The following PTH2R variants were observed in gnomAD, a reference collection of about 807,000 sequenced individuals.
PTH2R encodes PTH2 receptor.
Under a neutral mutation model 60.3 loss-of-function variants are expected in PTH2R, and 59 were observed. The observed-to-expected ratio is 0.98, with a 90% CI of 0.79 to 1.22. The LOEUF (loss-of-function observed/expected upper bound fraction) is 1.22. PTH2R is among the 50% of genes most tolerant of loss of function. PTH2R has a pLI of 0.00. For synonymous variants in PTH2R, 256 were observed against 243.8 expected, an observed-to-expected ratio of 1.05 and a Z score of -0.47; for missense variants, 749 against 682.6, an observed-to-expected ratio of 1.10 and a Z score of -1.08.
chr2:208,492,725 G>A (rs1043743514), intron 12 of PTH2R, among the ~76,000 whole-genome samples: 1 of 152,108 alleles, frequency 6.6e-6, no homozygotes, highest in Non-Finnish European at 1.5e-5. Context: ...CCTATCATCA[G>A]GTGTGTGCTG....
At chr2:208,469,336 CA>C (rs1419604809) in intron 9 of PTH2R, among the ~76,000 whole-genome samples, 3 of 152,124 alleles carry the variant, frequency 2.0e-5, no homozygotes, top group Non-Finnish European at 4.4e-5. Context: ...ATTTGAAATC[CA>C]AATTAGATCC....
chr2:208,402,633 A>G (rs1320625039), upstream of PTH2R, among the ~76,000 whole-genome samples: 1 of 152,230 alleles, frequency 6.6e-6, no homozygotes, highest in Non-Finnish European at 1.5e-5. Flanking sequence ...TATCTAGGTG[A>G]AATTTCTCTT....
intron 1 of PTH2R, among the ~76,000 whole-genome samples, chr2:208,426,145 A>T (rs984926545): frequency 6.6e-6 from 1 of 152,206 alleles, no homozygotes; most frequent in East Asian, 1.9e-4. Context: ...TTGACATTAA[A>T]ATTGGTATCT....
intron 1 of PTH2R, among the ~76,000 whole-genome samples, chr2:208,425,409 C>A (rs182356766): frequency 7.2e-5 from 11 of 152,278 alleles, no homozygotes; most frequent in Admixed American, 3.3e-4. Flanking sequence ...AAAGTTACCA[C>A]CCCTTTCCAC....
intron 8 of PTH2R, among the ~76,000 whole-genome samples, chr2:208,458,685 T>G (rs571789072): frequency 6.6e-6 from 1 of 152,290 alleles, no homozygotes; most frequent in African/African-American, 2.4e-5. Context: ...CACTTATAAG[T>G]GAGAACACGT....
intron 1 of PTH2R, among the ~76,000 whole-genome samples, chr2:208,372,955 A>C (rs1700729254): frequency 6.6e-6 from 1 of 152,078 alleles, no homozygotes; most frequent in South Asian, 2.1e-4. Context: ...GCGTGATGGC[A>C]CATGCCTGTA....
rs2061012 is a variant in PTH2R at position 208,487,874 on chromosome 2, G to A, written c.1077-1138G>A. Among the ~76,000 whole-genome samples the A allele has an allele frequency of 6.7e-3, 1,021 of 152,228 alleles. 15 individuals are homozygous for A. The highest frequency in any genetic ancestry group is 0.023 in the African/African-American group (942 of 41,532). ...TCACAACATGGTGGCTTGCTTCATCGAACCAAGCAAGAGAGCCAGTCTGCT... is the reference window on the plus strand; with the variant it reads ...TCACAACATGGTGGCTTGCTTCATCAAACCAAGCAAGAGAGCCAGTCTGCT... On this transcript the variant is annotated intron_variant, in intron 10 of 12. Coordinates refer to ENST00000272847, the MANE Select transcript of PTH2R (RefSeq NM_005048.4).
intron 12 of PTH2R, 113 bp from the exon 13 acceptor site, chr2:208,493,151 G>T: frequency 8.5e-7 from 1 of 1,171,864 alleles, no homozygotes; most frequent in African/African-American, 1.6e-5. Flanking sequence ...GCACGTAGAG[G>T]AACCTCAATC....
chr2:208,489,972 A>G (rs971778151), intron 11 of PTH2R, among the ~76,000 whole-genome samples: 1 of 152,166 alleles, frequency 6.6e-6, no homozygotes, highest in Non-Finnish European at 1.5e-5. Context: ...TCACTCAAAC[A>G]CACTTGAGTA....
At chr2:208,381,758 T>A (rs1700918883) in intron 1 of PTH2R, among the ~76,000 whole-genome samples, 2 of 152,086 alleles carry the variant, frequency 1.3e-5, no homozygotes, top group Non-Finnish European at 2.9e-5. Context: ...GTCCCTTGAG[T>A]GACAGTGACT....
At chr2:208,448,989 C>G (rs1428479980) in intron 7 of PTH2R, among the ~76,000 whole-genome samples, 1 of 152,094 alleles carries the variant, frequency 6.6e-6, no homozygotes, top group Non-Finnish European at 1.5e-5. Context: ...CCAACTCAAC[C>G]ACCATTAATA....
At chr2:208,405,993 C>T (rs1574843847), upstream of PTH2R, among the ~76,000 whole-genome samples, 1 of 152,176 alleles carries the variant, frequency 6.6e-6, no homozygotes, top group South Asian at 2.1e-4. Context: ...TTATAAGCCA[C>T]CCAGTTTATG....
At chr2:208,478,134 G>GT (rs1703060854) in intron 9 of PTH2R, among the ~76,000 whole-genome samples, 1 of 152,036 alleles carries the variant, frequency 6.6e-6, no homozygotes, top group Non-Finnish European at 1.5e-5. Context: ...CTTCTGTTAT[G>GT]TTTTTATTGA....
chr2:208,415,021 A>G (rs187093017), intron 1 of PTH2R, among the ~76,000 whole-genome samples: 170 of 152,320 alleles, frequency 1.1e-3, no homozygotes, highest in Middle Eastern at 6.8e-3. Context: ...CTAAGGAGAC[A>G]TGACAACTAA....
intron 1 of PTH2R, among the ~76,000 whole-genome samples, chr2:208,411,741 G>A (rs1027784079): frequency 2.6e-5 from 4 of 151,944 alleles, no homozygotes; most frequent in African/African-American, 4.8e-5. Context: ...TTTTTAAACA[G>A]CCGTGTGACT....
rs1701902819 is a variant in PTH2R, at chr2:208,428,449, C to T, written c.178+146C>T. 2.6e-5 allele frequency: 16 copies of T among 604,448 alleles called. No individual in the cohort carries two copies. The East Asian group carries it at 4.5e-4, about 17-fold the overall frequency. The allele number at this position is 604,448 out of a possible 1,614,324, so 37.4% of individuals were successfully genotyped here. ...GGAGGGGTGTGCAGCAGAACAACAA[C>T]ACTCTTTTCATCTCTACCCTACATG... On this transcript the variant is annotated intron_variant, in intron 2 of 12. Coordinates refer to ENST00000272847, the MANE Select transcript of PTH2R (RefSeq NM_005048.4).
chr2:208,472,051 G>A (rs2105897738), intron 9 of PTH2R, among the ~76,000 whole-genome samples: 1 of 152,246 alleles, frequency 6.6e-6, no homozygotes, highest in Admixed American at 6.5e-5. Flanking sequence ...ATTTGGAATG[G>A]CTGTATTTAC....
At chr2:208,474,920 G>C (rs1702966409) in intron 9 of PTH2R, among the ~76,000 whole-genome samples, 1 of 152,142 alleles carries the variant, frequency 6.6e-6, no homozygotes. Context: ...TTCTAAGAAA[G>C]AGACAGGAAT....
At chr2:208,385,600 C>A (rs1700986908) in intron 1 of PTH2R, among the ~76,000 whole-genome samples, 1 of 152,180 alleles carries the variant, frequency 6.6e-6, no homozygotes, top group Non-Finnish European at 1.5e-5. Context: ...CATGAAAATG[C>A]TGCAATTCTA....
Sources: gnomAD v4.1 joint callset for allele counts (sites outside exome capture counted in the v4.1 genomes callset) on GRCh38, gnomAD v4.1.1 for gene constraint, MANE v1.5 for transcripts, NCBI Gene and HGNC (gene_info 2026-07-23, HGNC 2026-07-21) for gene names.